The following SGCZ variants were observed in gnomAD, a reference collection of about 807,000 sequenced individuals.
SGCZ encodes the protein zeta-sarcoglycan.
A neutral mutation model predicts 41.3 loss-of-function variants in SGCZ; 40 were observed. The ratio of observed to expected loss-of-function variants is 0.97; its 90% CI spans 0.75 to 1.26. SGCZ has a LOEUF of 1.26. SGCZ is among the 50% of genes most tolerant of loss of function. The pLI is 0.00. For synonymous variants in SGCZ, 206 were observed against 137.5 expected (o/e 1.50, Z -3.49); for missense variants, 552 against 369.8 (o/e 1.49, Z -4.04).
intron 2 of SGCZ, among the ~76,000 whole-genome samples, chr8:14,515,019 A>AT (rs1802580507): frequency 6.6e-6 from 1 of 151,956 alleles, no homozygotes; most frequent in Non-Finnish European, 1.5e-5. Flanking sequence ...CATCAAGTAT[A>AT]TTTTATAGGG....
At chr8:14,232,278 CCTT>C (rs1261782652) in intron 4 of SGCZ, among the ~76,000 whole-genome samples, 3 of 151,938 alleles carry the variant, frequency 2.0e-5, no homozygotes, top group African/African-American at 7.2e-5. Flanking sequence ...ACTTCATAAA[CCTT>C]CTTGGACAAA....
chr8:15,077,842 T>C (rs1291897329), intron 1 of SGCZ, among the ~76,000 whole-genome samples: 11 of 152,204 alleles, frequency 7.2e-5, no homozygotes, highest in Admixed American at 5.2e-4. Context: ...ACCATATTTC[T>C]CTTTAAAAAC....
intron 4 of SGCZ, among the ~76,000 whole-genome samples, chr8:14,172,275 G>A (rs1277150811): frequency 2.0e-5 from 3 of 152,106 alleles, no homozygotes; most frequent in African/African-American, 7.2e-5. Flanking sequence ...TTCAAATGAT[G>A]AAGGCTTTAT....
intron 2 of SGCZ, among the ~76,000 whole-genome samples, chr8:14,346,318 G>A (rs1315941601): frequency 3.3e-5 from 5 of 151,966 alleles, no homozygotes; most frequent in Non-Finnish European, 7.4e-5. Context: ...TAATATCTTT[G>A]AGATAAAATA....
chr8:14,579,576 G>A (rs1332014548), intron 1 of SGCZ, among the ~76,000 whole-genome samples: 1 of 152,266 alleles, frequency 6.6e-6, no homozygotes, highest in African/African-American at 2.4e-5. Flanking sequence ...GGCAGGATGA[G>A]AATATACAGG....
At chr8:14,562,178 A>G (rs1804226153) in intron 1 of SGCZ, among the ~76,000 whole-genome samples, 1 of 152,170 alleles carries the variant, frequency 6.6e-6, no homozygotes, top group African/African-American at 2.4e-5. Context: ...ATTAGTGCCC[A>G]GGAAATTTAC....
At chr8:14,558,538 G>A (rs559545034) in intron 1 of SGCZ, among the ~76,000 whole-genome samples, 14 of 150,620 alleles carry the variant, frequency 9.3e-5, no homozygotes, top group African/African-American at 3.2e-4. Flanking sequence ...TGGTGCCACT[G>A]CACTTCAGCC....
At chr8:14,593,794 G>A (rs963385747) in intron 1 of SGCZ, among the ~76,000 whole-genome samples, 2 of 152,284 alleles carry the variant, frequency 1.3e-5, no homozygotes, top group South Asian at 4.1e-4. Flanking sequence ...GGAATAGACT[G>A]AATTTGGTTG....
chr8:14,378,135 C>T (rs1490466383), intron 2 of SGCZ, among the ~76,000 whole-genome samples: 3 of 150,334 alleles, frequency 2.0e-5, no homozygotes, highest in East Asian at 1.9e-4. Flanking sequence ...AACTAGTTTA[C>T]AGTCCCACCA....
chr8:14,319,248 A>T (rs1801834686), intron 3 of SGCZ, among the ~76,000 whole-genome samples: 1 of 151,990 alleles, frequency 6.6e-6, no homozygotes, highest in Non-Finnish European at 1.5e-5. Flanking sequence ...ATCCAAGCAG[A>T]ACATTCATGT....
chr8:14,557,945 G>A (rs745455351), intron 1 of SGCZ, among the ~76,000 whole-genome samples: 13 of 152,166 alleles, frequency 8.5e-5, no homozygotes, highest in South Asian at 8.3e-4. Flanking sequence ...AAAGAATAGC[G>A]AAGCTCCAAA....
chr8:14,122,291 A>C (rs1802722665), intron 5 of SGCZ, among the ~76,000 whole-genome samples: 1 of 151,472 alleles, frequency 6.6e-6, no homozygotes, highest in African/African-American at 2.4e-5. Flanking sequence ...AAAACAAAAC[A>C]AAACAAAAGA....
intron 2 of SGCZ, among the ~76,000 whole-genome samples, chr8:14,381,697 G>A (rs78437643): frequency 0.043 from 6,569 of 151,798 alleles, 456 homozygotes; most frequent in African/African-American, 0.15. Context: ...AAGGTGAAAG[G>A]GTCTCTTGAG....
chr8:14,309,483 A>T, intron 3 of SGCZ: 1 of 1,607,906 alleles, frequency 6.2e-7, no homozygotes. Context: ...GCTGTTGTTA[A>T]TGTTAGAGCT....
intron 1 of SGCZ, among the ~76,000 whole-genome samples, chr8:14,583,405 G>C (rs1382310191): frequency 2.0e-5 from 3 of 152,074 alleles, no homozygotes; most frequent in African/African-American, 7.2e-5. Context: ...CTGGATATTA[G>C]CCCTTTGTCA....
intron 2 of SGCZ, among the ~76,000 whole-genome samples, chr8:14,537,173 G>T (rs1018748729): frequency 6.6e-6 from 1 of 151,812 alleles, no homozygotes; most frequent in Non-Finnish European, 1.5e-5. Context: ...GTTATCTCCT[G>T]CAGGACTTCA....
intron 1 of SGCZ, among the ~76,000 whole-genome samples, chr8:14,686,361 A>G (rs917862303): frequency 6.6e-6 from 1 of 152,164 alleles, no homozygotes; most frequent in African/African-American, 2.4e-5. Context: ...ACTAAATAAA[A>G]TGTTTCCAAG....
At chr8:14,311,300 ACTT>A (rs564633131) in intron 3 of SGCZ, among the ~76,000 whole-genome samples, 58 of 152,218 alleles carry the variant, frequency 3.8e-4, no homozygotes, top group African/African-American at 1.3e-3. Context: ...GATAGAAACA[ACTT>A]CAACAAGCAC....
At chr8:14,333,667 A>G (rs1428011117) in intron 2 of SGCZ, among the ~76,000 whole-genome samples, 1 of 152,144 alleles carries the variant, frequency 6.6e-6, no homozygotes, top group African/African-American at 2.4e-5. Context: ...GAGGTCTCCT[A>G]ACATTTTGGT....
Sources: gnomAD v4.1 joint callset for allele counts (sites outside exome capture counted in the v4.1 genomes callset) on GRCh38, gnomAD v4.1.1 for gene constraint, MANE v1.5 for transcripts, NCBI Gene and HGNC (gene_info 2026-07-23, HGNC 2026-07-21) for gene names.